SAMD3: variants seen among roughly 807,000 people sequenced by gnomAD.
The protein encoded by SAMD3 is sterile alpha motif domain containing 3.
Under a neutral mutation model 58.5 loss-of-function variants are expected in SAMD3, and 63 were observed. The observed-to-expected ratio is 1.08, with a 90% CI of 0.88 to 1.33. The LOEUF (loss-of-function observed/expected upper bound fraction) is 1.33. SAMD3 is among the 40% of genes most tolerant of loss of function. SAMD3 has a pLI of 0.00. For missense variants in SAMD3, 604 were observed against 608.4 expected, an observed-to-expected ratio of 0.99 and a Z score of 0.08; for synonymous variants, 220 against 210.3, an observed-to-expected ratio of 1.05 and a Z score of -0.40.
At chr6:130,268,045 A>G (rs1221610566) in intron 2 of SAMD3, among the ~76,000 whole-genome samples, 4 of 152,146 alleles carry the variant, frequency 2.6e-5, no homozygotes, top group Non-Finnish European at 5.9e-5. Flanking sequence ...AACCATCATA[A>G]TTTCATAGCA....
chr6:130,272,597 C>T (rs1205588788), intron 2 of SAMD3, among the ~76,000 whole-genome samples: 1 of 152,150 alleles, frequency 6.6e-6, no homozygotes, highest in African/African-American at 2.4e-5. Flanking sequence ...AAATCTCCAA[C>T]TGATAATTAA....
chr6:130,160,907 A>G (rs192212743), intron 8 of SAMD3: 56 of 152,292 alleles, frequency 3.7e-4, no homozygotes, highest in African/African-American at 1.3e-3. Context: ...TTGTTTGTAT[A>G]TGTTTTAAAC....
At chr6:130,226,095 G>A (rs1451507685), upstream of SAMD3, among the ~76,000 whole-genome samples, 6 of 152,188 alleles carry the variant, frequency 3.9e-5, no homozygotes. Flanking sequence ...TCCCAGGAAG[G>A]GGTATTAGTG....
exon 1 of SAMD3, chr6:130,365,288 A>G (rs1408996592): frequency 5.1e-6 from 5 of 985,276 alleles, no homozygotes; most frequent in Non-Finnish European, 6.0e-6. Flanking sequence ...CGCACTGCTC[A>G]TCGAAGACCC....
At chr6:130,162,500 AT>A (rs150351188) in intron 8 of SAMD3, among the ~76,000 whole-genome samples, 9,886 of 152,192 alleles carry the variant, frequency 0.065, 333 homozygotes, top group Non-Finnish European at 0.082. Flanking sequence ...AAATGGAATA[AT>A]TCTCTTTAAA....
intron 1 of SAMD3, among the ~76,000 whole-genome samples, chr6:130,340,572 G>C (rs1487061802): frequency 6.6e-6 from 1 of 152,190 alleles, no homozygotes. Context: ...TTGGGGTATG[G>C]ACATCTTTGA....
intron 9 of SAMD3, 67 bp from the exon 10 acceptor site, chr6:130,146,248 C>T (rs1367909171): frequency 9.9e-7 from 1 of 1,006,152 alleles, no homozygotes; most frequent in East Asian, 2.8e-5. Flanking sequence ...AATGTAAAGA[C>T]ATAAAACCTT....
chr6:130,146,074 G>T lies in SAMD3; in HGVS notation c.1131C>A (p.Asp377Glu). 6.2e-7 allele frequency: 1 copy of T among 1,600,898 alleles called. No individual in the cohort carries two copies. Among genetic ancestry groups the T allele is most frequent in the Non-Finnish European group, 8.5e-7 (1 of 1,173,738 alleles). The change falls in exon 10 of 12, where the codon GAC (aspartate) becomes GAA (glutamate). Residue 377 changes from aspartate (D) to glutamate (E), a missense_variant. Asp to Glu is a conservative substitution (Grantham distance 45, BLOSUM62 2). Transcript: ENST00000439090. The part of the protein sequence containing the change: ...ENILTSFSVV[D>E]NPINIVLQEK... ...CTTGCAATACAATATTGATTGGATT[G>T]TCCACCACTGAAAAAGAAGTCAGTA...
rs572960765 is a variant in SAMD3, at chr6:130,250,825, T to G, written c.-187-28012A>C. Among the ~76,000 whole-genome samples the G allele has an allele frequency of 1.2e-4, 18 of 152,336 alleles. No homozygotes were observed. The South Asian group carries it at 3.5e-3, about 30-fold the overall frequency. On this transcript the variant is annotated intron_variant, in intron 2 of 13. Coordinates refer to the SAMD3 transcript ENST00000368134. ...CATCGTATTAACATACCACATTTTG[T>G]TTATATCCATTTATCTGTTGATGGA...
At chr6:130,322,346 G>T (rs1286012689) in intron 1 of SAMD3, among the ~76,000 whole-genome samples, 2 of 152,196 alleles carry the variant, frequency 1.3e-5, no homozygotes. Flanking sequence ...GGAGTGGAAG[G>T]CTGGGAATCA....
At chr6:130,272,676 T>C (rs1774607879) in intron 2 of SAMD3, among the ~76,000 whole-genome samples, 1 of 152,226 alleles carries the variant, frequency 6.6e-6, no homozygotes, top group South Asian at 2.1e-4. Context: ...ATTGCTTTAG[T>C]TGGTGTACAA....
At chr6:130,160,160 G>A (rs998505208) in intron 8 of SAMD3, 1 of 152,140 alleles carries the variant, frequency 6.6e-6, no homozygotes, top group Non-Finnish European at 1.5e-5. Flanking sequence ...CTTCACATAT[G>A]CTTCAAGACA....
intron 2 of SAMD3, among the ~76,000 whole-genome samples, chr6:130,233,233 A>T (rs965943552): frequency 6.6e-6 from 1 of 152,176 alleles, no homozygotes; most frequent in African/African-American, 2.4e-5. Context: ...CACAGAACTC[A>T]TTTAAGTGCT....
At chr6:130,248,708 T>C (rs1432602065) in intron 2 of SAMD3, among the ~76,000 whole-genome samples, 1 of 151,988 alleles carries the variant, frequency 6.6e-6, no homozygotes, top group African/African-American at 2.4e-5. Context: ...ACCGAAACCA[T>C]GGGCAGAACT....
intron 1 of SAMD3, among the ~76,000 whole-genome samples, chr6:130,346,602 C>T (rs1286791332): frequency 6.6e-6 from 1 of 152,202 alleles, no homozygotes; most frequent in Non-Finnish European, 1.5e-5. Context: ...TGGGTGGAGC[C>T]CACCACAGCC....
intron 2 of SAMD3, among the ~76,000 whole-genome samples, chr6:130,238,624 A>G (rs1773248798): frequency 6.6e-6 from 1 of 152,176 alleles, no homozygotes; most frequent in South Asian, 2.1e-4. Context: ...AAAGAATACG[A>G]GCAAGAGGGG....
At chr6:130,232,862 A>C (rs1000426) in intron 2 of SAMD3, among the ~76,000 whole-genome samples, 1,934 of 152,292 alleles carry the variant, frequency 0.013, 38 homozygotes, top group African/African-American at 0.044. Flanking sequence ...TTTTAATGAA[A>C]AAATTACAAT....
At chr6:130,163,696 G>T (rs1322311706) in intron 8 of SAMD3, among the ~76,000 whole-genome samples, 1 of 152,134 alleles carries the variant, frequency 6.6e-6, no homozygotes, top group African/African-American at 2.4e-5. Context: ...TGTGGAAAAG[G>T]CTATAAAATA....
At chr6:130,326,518 C>A (rs964549595) in intron 1 of SAMD3, among the ~76,000 whole-genome samples, 4 of 152,114 alleles carry the variant, frequency 2.6e-5, no homozygotes, top group African/African-American at 9.7e-5. Flanking sequence ...TAACTGAATT[C>A]TTGTATCACA....
Sources: gnomAD v4.1 joint callset for allele counts (sites outside exome capture counted in the v4.1 genomes callset) on GRCh38, gnomAD v4.1.1 for gene constraint, MANE v1.5 for transcripts, NCBI Gene and HGNC (gene_info 2026-07-23, HGNC 2026-07-21) for gene names.